The following TMIGD3 variants were observed in gnomAD, a reference collection of about 807,000 sequenced individuals.
TMIGD3 encodes transmembrane and immunoglobulin domain containing 3.
TMIGD3 carries 21 observed loss-of-function variants against 28.1 expected under a neutral mutation model. The observed-to-expected ratio is 0.75, with a 90% confidence interval of 0.53 to 1.08. TMIGD3 has a LOEUF of 1.08. Among genes scored for constraint, TMIGD3 ranks in the 50% least tolerant of loss-of-function variants. The probability of loss-of-function intolerance (pLI) is 0.00; values close to 1 mark genes in which losing one functional copy is unlikely to be tolerated. For missense variants in TMIGD3, 416 were observed against 435.6 expected (o/e 0.96, Z 0.40); for synonymous variants, 151 against 162.1 (o/e 0.93, Z 0.52).
At position 111,489,032 on chromosome 1, in the gene TMIGD3, AAC is replaced by A. The variant is rs10602160; in HGVS notation, c.458-10_458-9del. The A allele has an allele frequency of 1.1e-3, 1,734 of 1,571,208 alleles. No individual in the cohort carries two copies. Among genetic ancestry groups the A allele is most frequent in the Non-Finnish European group, 1.3e-3 (1,447 of 1,149,878 alleles). On this transcript the variant is annotated splice_polypyrimidine_tract_variant and intron_variant, in intron 2 of 5. Transcript: ENST00000369716. ...CATCCATGACCATGGCATCTGTGAA[AAC>A]ACACACACACACGCACACGTGCACA...
intron 1 of TMIGD3, among the ~76,000 whole-genome samples, chr1:111,526,987 A>AT (rs1656286864): frequency 7.5e-6 from 1 of 133,260 alleles, no homozygotes; most frequent in Non-Finnish European, 1.6e-5. Context: ...TGTAATATAC[A>AT]TTTAAGTTTC....
chr1:111,500,645 G>A, intron 1 of TMIGD3: 1 of 1,254,118 alleles, frequency 8.0e-7, no homozygotes, highest in Non-Finnish European at 1.1e-6. Flanking sequence ...AGAGAGAGGT[G>A]AGATAAGGCA....
chr1:111,495,192 T>C (rs1654833919), intron 1 of TMIGD3, among the ~76,000 whole-genome samples: 1 of 151,862 alleles, frequency 6.6e-6, no homozygotes, highest in African/African-American at 2.4e-5. Flanking sequence ...AAAGATATTA[T>C]GGGAAAAGTA....
intron 3 of TMIGD3, among the ~76,000 whole-genome samples, chr1:111,488,292 G>A (rs6678079): frequency 0.093 from 14,084 of 151,562 alleles, 898 homozygotes; most frequent in East Asian, 0.26. Flanking sequence ...GCGCAATCTC[G>A]GCTCACTGCA....
intron 1 of TMIGD3, among the ~76,000 whole-genome samples, chr1:111,497,426 C>T (rs1654942840): frequency 6.6e-6 from 1 of 152,174 alleles, no homozygotes. Flanking sequence ...ACACTAATCT[C>T]TAAACCTGAA....
chr1:111,530,990 A>G lies in TMIGD3; in HGVS notation c.107+32856T>C, dbSNP rs541343769. On this transcript the variant is annotated intron_variant, in intron 1 of 5. Coordinates refer to the TMIGD3 transcript ENST00000369717. ...ATATTTGGCTGTATGAAGTTTTGTC[A>G]TAGCTTACTCATGCTTTTTCACTTT... 1.3e-3 allele frequency among the ~76,000 whole-genome samples: 195 copies of G among 152,310 alleles called. 1 individual carries two copies. Among genetic ancestry groups the G allele is most frequent in the African/African-American group, 4.5e-3 (187 of 41,570 alleles).
intron 1 of TMIGD3, among the ~76,000 whole-genome samples, chr1:111,498,481 T>C (rs958056416): frequency 3.9e-5 from 6 of 152,230 alleles, no homozygotes; most frequent in Non-Finnish European, 8.8e-5. Flanking sequence ...TCCTCAAGCG[T>C]ACAAAGCTGT....
At chr1:111,486,361 G>C (rs1303965347) in intron 4 of TMIGD3, among the ~76,000 whole-genome samples, 1 of 151,380 alleles carries the variant, frequency 6.6e-6, no homozygotes, top group Non-Finnish European at 1.5e-5. Context: ...AAAATAGCTA[G>C]AGGGCTTTTT....
At position 111,486,643 on chromosome 1, in the gene TMIGD3, C is replaced by A; in HGVS notation, c.815G>T (p.Gly272Val). 6.2e-7 allele frequency: 1 copy of A among 1,613,798 alleles called. No homozygotes were observed. Among genetic ancestry groups the A allele is most frequent in the Non-Finnish European group, 8.5e-7 (1 of 1,179,918 alleles). ...AGCCTTGCAGCTTCTGGTTTTGTTG[C>A]CTGATAGGTCTGAATCAGAAAGGAT... ...NDFWSGKDLS[G>V]NKTRSCKAPK... Residue 272 changes from glycine (G) to valine (V), a missense_variant, in exon 4 of 6, where the codon GGC becomes GTC. Physicochemically the swap from Gly to Val is moderately radical, Grantham distance 109. Coordinates refer to ENST00000369716, the MANE Select transcript of TMIGD3 (RefSeq NM_020683.7).
intron 1 of TMIGD3, among the ~76,000 whole-genome samples, chr1:111,513,767 G>C (rs1253125393): frequency 2.0e-5 from 3 of 152,152 alleles, no homozygotes; most frequent in African/African-American, 7.2e-5. Flanking sequence ...CCCATGACTA[G>C]GGCTTTTTGT....
intron 1 of TMIGD3, among the ~76,000 whole-genome samples, chr1:111,518,817 C>A (rs747639356): frequency 8.5e-5 from 13 of 152,240 alleles, no homozygotes; most frequent in Non-Finnish European, 1.8e-4. Context: ...TCTGAACTTA[C>A]AACCTCTGGC....
At chr1:111,507,205 T>G (rs1191566206), upstream of TMIGD3, among the ~76,000 whole-genome samples, 1 of 151,808 alleles carries the variant, frequency 6.6e-6, no homozygotes, top group Non-Finnish European at 1.5e-5. Context: ...GAGGATTGCT[T>G]GAGGCCAGGA....
At chr1:111,514,253 A>C (rs1655785506) in intron 1 of TMIGD3, among the ~76,000 whole-genome samples, 1 of 152,210 alleles carries the variant, frequency 6.6e-6, no homozygotes, top group Non-Finnish European at 1.5e-5. Context: ...TAGTAGCTAC[A>C]AGTAAAGTCT....
At chr1:111,554,891 A>G (rs1441175908) in intron 1 of TMIGD3, among the ~76,000 whole-genome samples, 1 of 152,238 alleles carries the variant, frequency 6.6e-6, no homozygotes, top group African/African-American at 2.4e-5. Context: ...GTCACAAAAT[A>G]CACAAGGAAA....
chr1:111,548,043 C>T (rs2101031914), intron 1 of TMIGD3, among the ~76,000 whole-genome samples: 1 of 152,312 alleles, frequency 6.6e-6, no homozygotes, highest in African/African-American at 2.4e-5. Context: ...TCTTTTGAGA[C>T]AGAGCCACAC....
intron 1 of TMIGD3, among the ~76,000 whole-genome samples, chr1:111,549,303 C>CA (rs1657159766): frequency 6.8e-6 from 1 of 147,526 alleles, no homozygotes; most frequent in South Asian, 2.1e-4. Context: ...GCCATCCAGT[C>CA]ATGGGCTTTT....
intron 1 of TMIGD3, among the ~76,000 whole-genome samples, chr1:111,523,593 T>G (rs1472211261): frequency 6.6e-6 from 1 of 152,206 alleles, no homozygotes; most frequent in East Asian, 1.9e-4. Flanking sequence ...CTTTCATTCT[T>G]AAATGTTTGA....
intron 1 of TMIGD3, among the ~76,000 whole-genome samples, chr1:111,547,798 A>G (rs2101031636): frequency 6.6e-6 from 1 of 152,344 alleles, no homozygotes; most frequent in East Asian, 1.9e-4. Flanking sequence ...GAGCATTGTC[A>G]TGGTGGAGAA....
At chr1:111,501,831 C>T (rs1655191929) in intron 1 of TMIGD3, among the ~76,000 whole-genome samples, 1 of 151,822 alleles carries the variant, frequency 6.6e-6, no homozygotes, top group Non-Finnish European at 1.5e-5. Context: ...TCACTCTGCT[C>T]TTTCCTCCAG....
Sources: allele counts gnomAD v4.1 joint callset (sites outside exome capture counted in the v4.1 genomes callset), GRCh38; gene constraint gnomAD v4.1.1; transcripts MANE v1.5; gene names NCBI Gene and HGNC (gene_info 2026-07-23, HGNC 2026-07-21).